Variants in UNC5D observed in about 807,000 individuals in gnomAD.
The protein encoded by UNC5D is netrin receptor UNC5D.
A neutral mutation model predicts 105.4 loss-of-function variants in UNC5D; 39 were observed. The ratio of observed to expected loss-of-function variants is 0.37; its 90% confidence interval spans 0.29 to 0.48. The LOEUF (loss-of-function observed/expected upper bound fraction) is 0.48, where lower values mean the gene tolerates loss of function less well. UNC5D is among the 20% of genes least tolerant of loss of function. The pLI, the probability that UNC5D is intolerant of heterozygous loss-of-function variation, is 0.98. For synonymous variants in UNC5D, 452 were observed against 450.4 expected, an observed-to-expected ratio of 1.00 and a Z score of -0.04; for missense variants, 991 against 1,202.4, an observed-to-expected ratio of 0.82 and a Z score of 2.60.
chr8:35,254,874 A>G (rs1271156890), intron 1 of UNC5D: 1 of 152,218 alleles, frequency 6.6e-6, no homozygotes, highest in Non-Finnish European at 1.5e-5. Flanking sequence ...TTTGGTAAAA[A>G]TTAGGTATCC....
chr8:35,696,916 A>T (rs1414204216), intron 7 of UNC5D, among the ~76,000 whole-genome samples: 1 of 152,136 alleles, frequency 6.6e-6, no homozygotes, highest in Non-Finnish European at 1.5e-5. Context: ...ATGATCATTT[A>T]GAAAGATATC....
intron 14 of UNC5D, among the ~76,000 whole-genome samples, chr8:35,760,091 T>G (rs1397105692): frequency 1.3e-5 from 2 of 151,604 alleles, no homozygotes; most frequent in African/African-American, 4.8e-5. Flanking sequence ...TTGCCCAGGC[T>G]GGAGTGCAGT....
chr8:35,384,873 C>T (rs2128935383), intron 1 of UNC5D, among the ~76,000 whole-genome samples: 1 of 152,322 alleles, frequency 6.6e-6, no homozygotes, highest in East Asian at 1.9e-4. Context: ...AGTGTCTAGG[C>T]ACCCCAGAAG....
intron 1 of UNC5D, among the ~76,000 whole-genome samples, chr8:35,243,804 A>G (rs1419691109): frequency 2.6e-5 from 4 of 152,166 alleles, no homozygotes; most frequent in Non-Finnish European, 4.4e-5. Context: ...TTACTTACCC[A>G]GTACCTGATA....
intron 13 of UNC5D, among the ~76,000 whole-genome samples, chr8:35,758,978 G>A (rs1425228043): frequency 2.0e-5 from 3 of 152,184 alleles, no homozygotes; most frequent in African/African-American, 7.2e-5. Context: ...GTCAGAGAGT[G>A]AAATTCCTAC....
intron 1 of UNC5D, among the ~76,000 whole-genome samples, chr8:35,357,692 C>T (rs929671128): frequency 3.3e-5 from 5 of 152,212 alleles, no homozygotes; most frequent in South Asian, 2.1e-4. Flanking sequence ...AAACCTAGAA[C>T]GGTGCCTGGT....
intron 1 of UNC5D, among the ~76,000 whole-genome samples, chr8:35,281,746 T>G (rs963674241): frequency 2.0e-5 from 3 of 152,222 alleles, no homozygotes. Flanking sequence ...GCACTGTTCT[T>G]GCATCTTCAT....
At chr8:35,613,421 C>T (rs1820823005) in intron 4 of UNC5D, among the ~76,000 whole-genome samples, 1 of 152,214 alleles carries the variant, frequency 6.6e-6, no homozygotes, top group Non-Finnish European at 1.5e-5. Flanking sequence ...TACCTTTCCC[C>T]ATGGTGTGTT....
chr8:35,617,507 A>C (rs1821104058), intron 4 of UNC5D, among the ~76,000 whole-genome samples: 1 of 152,298 alleles, frequency 6.6e-6, no homozygotes, highest in African/African-American at 2.4e-5. Context: ...TGCATTGCAC[A>C]GCTCTCAAGC....
chr8:35,552,215 T>A (rs1816210232), intron 2 of UNC5D, among the ~76,000 whole-genome samples: 1 of 152,170 alleles, frequency 6.6e-6, no homozygotes, highest in South Asian at 2.1e-4. Context: ...GAGAGCTTAG[T>A]GATAATCTAA....
chr8:35,724,089 A>C, intron 9 of UNC5D: 1 of 1,361,938 alleles, frequency 7.3e-7, no homozygotes, highest in Non-Finnish European at 9.5e-7. Flanking sequence ...TGTTCCGTGG[A>C]GCACCAGGCA....
At chr8:35,681,276 A>G (rs907226741) in intron 4 of UNC5D, among the ~76,000 whole-genome samples, 17 of 152,184 alleles carry the variant, frequency 1.1e-4, no homozygotes, top group African/African-American at 3.9e-4. Context: ...TATTTATTAT[A>G]GTCATTGTCT....
At chr8:35,398,616 C>A (rs1220393220) in intron 1 of UNC5D, among the ~76,000 whole-genome samples, 1 of 151,548 alleles carries the variant, frequency 6.6e-6, no homozygotes, top group Middle Eastern at 3.2e-3. Flanking sequence ...TTGAGAGGCT[C>A]TTCCTTAAAT....
chr8:35,578,243 AGAAAG>A (rs1818226680), intron 3 of UNC5D, among the ~76,000 whole-genome samples: 2 of 141,508 alleles, frequency 1.4e-5, no homozygotes, highest in Non-Finnish European at 1.5e-5. Context: ...AAAAAAAAAA[AGAAAG>A]AAAAAAGAAA....
chr8:35,770,327 G>A (rs1386700353), intron 15 of UNC5D, among the ~76,000 whole-genome samples: 1 of 152,060 alleles, frequency 6.6e-6, no homozygotes, highest in Non-Finnish European at 1.5e-5. Context: ...TTAAGTCAAT[G>A]CAATAATCAT....
At chr8:35,767,778 C>T (rs1801839394) in intron 15 of UNC5D, among the ~76,000 whole-genome samples, 1 of 152,050 alleles carries the variant, frequency 6.6e-6, no homozygotes, top group Non-Finnish European at 1.5e-5. Flanking sequence ...AGAACTTTTG[C>T]AAAAAGACAT....
At chr8:35,474,755 C>T (rs1346158782) in intron 1 of UNC5D, among the ~76,000 whole-genome samples, 2 of 152,140 alleles carry the variant, frequency 1.3e-5, no homozygotes, top group African/African-American at 4.8e-5. Context: ...CCTCTCATTG[C>T]ATGAGGCCAT....
intron 1 of UNC5D, among the ~76,000 whole-genome samples, chr8:35,247,420 T>C (rs1185226326): frequency 6.8e-6 from 1 of 146,538 alleles, no homozygotes; most frequent in Non-Finnish European, 1.5e-5. Context: ...CCTTAAGTCT[T>C]AATCTTAAGC....
At chr8:35,378,376 C>G (rs754219970) in intron 1 of UNC5D, among the ~76,000 whole-genome samples, 3 of 152,142 alleles carry the variant, frequency 2.0e-5, no homozygotes, top group Non-Finnish European at 4.4e-5. Flanking sequence ...CTGGGCACAG[C>G]AAAAGGACTT....
Sources: gnomAD v4.1 joint callset for allele counts (sites outside exome capture counted in the v4.1 genomes callset) on GRCh38, gnomAD v4.1.1 for gene constraint, MANE v1.5 for transcripts, NCBI Gene and HGNC (gene_info 2026-07-23, HGNC 2026-07-21) for gene names.